MET: variants seen among roughly 807,000 people sequenced by gnomAD.
The protein encoded by MET is MET proto-oncogene, receptor tyrosine kinase, also known as hepatocyte growth factor receptor.
A neutral mutation model predicts 133.1 loss-of-function variants in MET; 48 were observed. The ratio of observed to expected loss-of-function variants is 0.36; its 90% CI spans 0.29 to 0.46. MET has a LOEUF of 0.46. Among genes scored for constraint, MET ranks in the 20% least tolerant of loss-of-function variants. The probability of loss-of-function intolerance (pLI) is 1.00; values close to 1 mark genes in which losing one functional copy is unlikely to be tolerated. For missense variants in MET, 1,442 were observed against 1,695.9 expected (o/e 0.85, Z 2.63); for synonymous variants, 628 against 616.5 (o/e 1.02, Z -0.28).
intron 5 of MET, among the ~76,000 whole-genome samples, chr7:116,745,116 G>A (rs1281107245): frequency 6.6e-6 from 1 of 152,140 alleles, no homozygotes; most frequent in Non-Finnish European, 1.5e-5. Context: ...AAAATCACAA[G>A]CATTTTTATA....
chr7:116,761,395 A>G (rs1272117015), intron 10 of MET, among the ~76,000 whole-genome samples: 1 of 152,174 alleles, frequency 6.6e-6, no homozygotes, highest in Non-Finnish European at 1.5e-5. Context: ...AGTACTTTAT[A>G]AGGAGATATG....
intron 19 of MET, among the ~76,000 whole-genome samples, chr7:116,793,220 G>A (rs528209488): frequency 2.0e-5 from 3 of 148,834 alleles, no homozygotes; most frequent in Non-Finnish European, 4.4e-5. Flanking sequence ...TATCGCCCAA[G>A]CTGGAGTGCA....
At chr7:116,795,592 T>C in intron 19 of MET, 63 bp from the exon 20 acceptor site, 1 of 1,609,766 alleles carries the variant, frequency 6.2e-7, no homozygotes, top group Admixed American at 1.7e-5. Context: ...GACCTACTGA[T>C]TTCCTTTCAT....
At chr7:116,675,768 A>ATTTCT (rs1371350150) in intron 1 of MET, among the ~76,000 whole-genome samples, 1 of 141,048 alleles carries the variant, frequency 7.1e-6, no homozygotes, top group Admixed American at 6.9e-5. Context: ...TTTTTTTTTA[A>ATTTCT]TTTCTTTTCT....
chr7:116,713,553 A>G (rs927397966), intron 2 of MET, among the ~76,000 whole-genome samples: 1 of 152,132 alleles, frequency 6.6e-6, no homozygotes, highest in Non-Finnish European at 1.5e-5. Flanking sequence ...CTTGGTGTAG[A>G]TGCAGTGAGA....
rs992899466 is a variant in MET, at chr7:116,754,919, G to GAA, written c.1702-434_1702-433dup. On this transcript the variant is annotated intron_variant, in intron 5 of 20. Coordinates refer to ENST00000397752, the MANE Select transcript of MET (RefSeq NM_000245.4). ...AGAAAGAAAGAAAGAAAGAAAGAAA[G>GAA]AAAGAAAGAAAGAAAGAAAGAAAGA... is the stretch of plus-strand genomic sequence containing the variant. Among the ~76,000 whole-genome samples the GAA allele has an allele frequency of 2.1e-5, 3 of 141,720 alleles. No individual in the cohort carries two copies. In the South Asian group the frequency reaches 6.8e-4, roughly 32 times the overall value. The allele number at this position is 141,720 out of a possible 152,430, so 93.0% of individuals were successfully genotyped here. A position where few individuals can be genotyped will look rare whatever the true frequency, so the allele number is the denominator to read the frequency against.
At chr7:116,740,234 T>C (rs1351525859) in intron 4 of MET, 150 bp downstream of exon 4, 2 of 882,466 alleles carry the variant, frequency 2.3e-6, no homozygotes, top group Non-Finnish European at 3.7e-6. Context: ...CCAGAGATCT[T>C]CTGAAATCTA....
chr7:116,793,159 T>G (rs1333074057), intron 19 of MET, among the ~76,000 whole-genome samples: 1 of 151,890 alleles, frequency 6.6e-6, no homozygotes, highest in East Asian at 1.9e-4. Context: ...TCCCATTGAT[T>G]TCAGTCTAAC....
At chr7:116,698,970 T>C (rs1797060297) in intron 1 of MET, 101 bp from the exon 2 acceptor site, 5 of 1,539,944 alleles carry the variant, frequency 3.2e-6, no homozygotes, top group Non-Finnish European at 4.4e-6. Flanking sequence ...AAAAGTCCAG[T>C]TGGGAAGCTT....
rs1292389793 is a variant in MET at position 116,796,092 on chromosome 7, A to C, written c.4141A>C (p.Thr1381Pro). The change falls in exon 21 of 21, where the codon ACA becomes CCA. Residue 1381 changes from threonine (T) to proline (P), a missense_variant. Physicochemically the swap from Thr to Pro is conservative, Grantham distance 38. Transcript: ENST00000397752. ...AGATAACGCTGATGATGAGGTGGAC[A>C]CACGACCAGCCTCCTTCTGGGAGAC... Reference protein sequence around the residue: ...SEDNADDEVDTRPASFWETS With the variant: ...SEDNADDEVDPRPASFWETS The C allele has an allele frequency of 6.2e-7, 1 of 1,614,166 alleles. No homozygotes were observed. Among genetic ancestry groups the C allele is most frequent in the Non-Finnish European group, 8.5e-7 (1 of 1,180,028 alleles).
In MET at chr7:116,756,675, A is replaced by G. The variant is rs148372965; in HGVS notation, c.1863-762A>G. Reference sequence around the variant, plus strand: ...TTCTATGGAAAGCCATCACAATTTCATTATCATTTAAGTAATTTAAATAAG... The same window carrying G: ...TTCTATGGAAAGCCATCACAATTTCGTTATCATTTAAGTAATTTAAATAAG... On this transcript the variant is annotated intron_variant, in intron 6 of 20. Coordinates refer to ENST00000397752, the MANE Select transcript of MET (RefSeq NM_000245.4). Among the ~76,000 whole-genome samples, 374 of 152,342 alleles carry G rather than the reference A, an allele frequency of 2.5e-3. 1 individual carries two copies. Among genetic ancestry groups the G allele is most frequent in the Non-Finnish European group, 3.6e-3 (244 of 68,020 alleles).
At chr7:116,707,824 T>C (rs1406629732) in intron 2 of MET, among the ~76,000 whole-genome samples, 1 of 152,168 alleles carries the variant, frequency 6.6e-6, no homozygotes, top group African/African-American at 2.4e-5. Flanking sequence ...ATCTTGACAA[T>C]AAAATGTGCA....
chr7:116,677,864 C>T (rs1796214024), intron 1 of MET, among the ~76,000 whole-genome samples: 1 of 152,146 alleles, frequency 6.6e-6, no homozygotes, highest in African/African-American at 2.4e-5. Flanking sequence ...CATTCTTAAA[C>T]TGAAGTAGTA....
intron 1 of MET, among the ~76,000 whole-genome samples, chr7:116,697,670 A>G (rs1391183781): frequency 6.6e-6 from 1 of 152,204 alleles, no homozygotes; most frequent in East Asian, 1.9e-4. Flanking sequence ...CAGGCTCTGT[A>G]CTAGGTACTT....
At chr7:116,715,637 T>A (rs1427183385) in intron 2 of MET, among the ~76,000 whole-genome samples, 1 of 152,228 alleles carries the variant, frequency 6.6e-6, no homozygotes, top group East Asian at 1.9e-4. Context: ...CCATTTAATA[T>A]GTTTCTGGCA....
At chr7:116,743,159 G>T (rs1793529489) in intron 5 of MET, among the ~76,000 whole-genome samples, 1 of 152,198 alleles carries the variant, frequency 6.6e-6, no homozygotes, top group South Asian at 2.1e-4. Context: ...CCTAGCAAAA[G>T]GAATCCTTGA....
rs749678495 is a variant in MET at position 116,777,430 on chromosome 7, G to A, written c.3301G>A (p.Asp1101Asn). The change falls in exon 16 of 21, where the codon GAT becomes AAT. Residue 1101 changes from aspartate to asparagine, a missense_variant. Around this residue, in one of 6 missense-constraint regions of MET, gnomAD observed 514 missense variants for 659.6 expected, o/e 0.78. Coordinates refer to ENST00000397752, the MANE Select transcript of MET (RefSeq NM_000245.4). ...CVYHGTLLDNDGKKIHCAVKS... is the reference protein window; with the variant it reads ...CVYHGTLLDNNGKKIHCAVKS... ...ATATCATGGGACTTTGTTGGACAAT[G>A]ATGGCAAGAAAATTCACTGTGCTGT... is the stretch of plus-strand genomic sequence containing the variant. 6.2e-7 allele frequency: 1 copy of A among 1,613,894 alleles called. No homozygotes were observed. Among genetic ancestry groups the A allele is most frequent in the Non-Finnish European group, 8.5e-7 (1 of 1,179,862 alleles).
At chr7:116,754,941 A>AGC in intron 5 of MET, among the ~76,000 whole-genome samples, 1 of 127,302 alleles carries the variant, frequency 7.9e-6, no homozygotes, top group Non-Finnish European at 1.7e-5. Context: ...GAAAGAAAGA[A>AGC]AGAAAGAAAG....
In MET at chr7:116,778,865, G is replaced by A. The variant is rs1795070539; in HGVS notation, c.3430G>A (p.Gly1144Arg). 2 of 1,613,880 alleles carry A rather than the reference G, an allele frequency of 1.2e-6. No individual in the cohort carries two copies. The highest frequency in any genetic ancestry group is 2.7e-5 in the African/African-American group (2 of 74,906). The part of the protein sequence containing the change: ...FSHPNVLSLL[G>R]ICLRSEGSPL... ...TCATCCCAATGTCCTCTCGCTCCTG[G>A]GAATCTGCCTGCGAAGTGAAGGGTC... The change falls in exon 17 of 21, where the codon GGA becomes AGA. Residue 1144 changes from glycine (G) to arginine (R), a missense_variant. Gly to Arg is a moderately radical substitution (Grantham distance 125). Coordinates refer to ENST00000397752, the MANE Select transcript of MET (RefSeq NM_000245.4).
Sources: gnomAD v4.1 joint callset for allele counts (sites outside exome capture counted in the v4.1 genomes callset) on GRCh38, gnomAD v4.1.1 for gene constraint, gnomAD v4.1.1 regional missense constraint, MANE v1.5 for transcripts, NCBI Gene and HGNC (gene_info 2026-07-23, HGNC 2026-07-21) for gene names.